The following HELZ variants were observed in gnomAD, a reference collection of about 807,000 sequenced individuals.
The protein encoded by HELZ is ATP-dependent RNA helicase with zinc finger domain.
A neutral mutation model predicts 218.2 loss-of-function variants in HELZ; 23 were observed. That is an observed-to-expected ratio of 0.11 (90% CI 0.08 to 0.15). The LOEUF is 0.15. Among genes scored for constraint, HELZ ranks in the 10% least tolerant of loss-of-function variants. The pLI, the probability that HELZ is intolerant of heterozygous loss-of-function variation, is 1.00. For missense variants in HELZ, 1,813 were observed against 2,353.7 expected, an observed-to-expected ratio of 0.77 and a Z score of 4.75; for synonymous variants, 814 against 829.4, an observed-to-expected ratio of 0.98 and a Z score of 0.32.
intron 21 of HELZ, among the ~76,000 whole-genome samples, chr17:67,139,040 T>C (rs1011783613): frequency 1.3e-5 from 2 of 152,146 alleles, no homozygotes; most frequent in East Asian, 1.9e-4. Context: ...AGGAGGTGTG[T>C]TTTCAAATGT....
intron 31 of HELZ, among the ~76,000 whole-genome samples, chr17:67,093,105 T>C (rs1284595968): frequency 2.6e-5 from 4 of 152,236 alleles, no homozygotes; most frequent in Non-Finnish European, 4.4e-5. Flanking sequence ...TTTTAGAACA[T>C]TGTTTTAGTT....
chr17:67,222,630 G>A (rs2040777429), intron 3 of HELZ, among the ~76,000 whole-genome samples: 1 of 152,136 alleles, frequency 6.6e-6, no homozygotes, highest in South Asian at 2.1e-4. Flanking sequence ...TACAACGCAT[G>A]CTCCGTTCAG....
At chr17:67,191,192 A>G (rs1360279812) in intron 9 of HELZ, among the ~76,000 whole-genome samples, 1 of 152,234 alleles carries the variant, frequency 6.6e-6, no homozygotes, top group Admixed American at 6.5e-5. Context: ...ACCTTTAAAC[A>G]TAGTGATTTT....
intron 3 of HELZ, among the ~76,000 whole-genome samples, chr17:67,238,349 CAAAAA>C (rs71368808): frequency 4.3e-5 from 2 of 46,960 alleles, no homozygotes; most frequent in African/African-American, 8.0e-5. Context: ...CTCTGTCTCT[CAAAAA>C]AAAAAAAAAA....
chr17:67,080,957 C>T lies in HELZ; in HGVS notation c.5495-2371G>A, dbSNP rs773696375. Among the ~76,000 whole-genome samples the T allele has an allele frequency of 3.3e-5, 5 of 152,184 alleles. No individual in the cohort carries two copies. In the East Asian group the frequency reaches 5.8e-4, roughly 18 times the overall value. ...CATCACACTAAGCTTAAATTGGACA[C>T]GTAGTTGCTCAGCTAGTGACTACAT... On this transcript the variant is annotated intron_variant, in intron 32 of 32. Coordinates refer to ENST00000358691, the MANE Select transcript of HELZ (RefSeq NM_014877.4).
intron 32 of HELZ, among the ~76,000 whole-genome samples, chr17:67,084,208 T>G (rs751078653): frequency 3.9e-5 from 6 of 152,204 alleles, no homozygotes; most frequent in Non-Finnish European, 8.8e-5. Flanking sequence ...AATTTAAAAA[T>G]ACTACACTCT....
chr17:67,172,265 CT>C (rs1386264517), intron 13 of HELZ, among the ~76,000 whole-genome samples: 2 of 152,188 alleles, frequency 1.3e-5, no homozygotes, highest in African/African-American at 4.8e-5. Context: ...GAAAGTGCCT[CT>C]TCCATGGGGC....
rs2036042013 is a variant in HELZ at position 67,077,290 on chromosome 17, T to C, written c.*962A>G. 6.6e-6 allele frequency: 1 copy of C among 152,624 alleles called. No homozygotes were observed. The highest frequency in any genetic ancestry group is 2.1e-4 in the South Asian group (1 of 4,834). The allele number at this position is 152,624 out of a possible 1,614,324, so 9.5% of individuals were successfully genotyped here. ...ACATCAAATAAGGTACCAAAATTTT[T>C]ACTGGAGAGAAAAAAACCCAAACCT... On this transcript the variant is annotated 3_prime_UTR_variant, in exon 33 of 33. Transcript: ENST00000358691.
intron 3 of HELZ, among the ~76,000 whole-genome samples, chr17:67,237,988 CAAAA>C (rs796850668): frequency 4.6e-5 from 4 of 87,082 alleles, no homozygotes; most frequent in African/African-American, 1.1e-4. Context: ...GACTCCATCT[CAAAA>C]AAAAAAAAAA....
chr17:67,106,178 C>G (rs117355331), intron 31 of HELZ, among the ~76,000 whole-genome samples: 14 of 151,958 alleles, frequency 9.2e-5, no homozygotes, highest in Non-Finnish European at 1.6e-4. Flanking sequence ...ATGGGATCAG[C>G]TAGACATTTT....
chr17:67,110,569 T>TG (rs1219023793), intron 28 of HELZ, among the ~76,000 whole-genome samples: 1 of 152,198 alleles, frequency 6.6e-6, no homozygotes, highest in African/African-American at 2.4e-5. Context: ...CAATACACTG[T>TG]GCCTGGTGTT....
chr17:67,084,673 A>G (rs2036306268), intron 32 of HELZ, among the ~76,000 whole-genome samples: 1 of 152,096 alleles, frequency 6.6e-6, no homozygotes, highest in South Asian at 2.1e-4. Context: ...AAAAAAAAAA[A>G]AAAAGAAAGA....
chr17:67,138,224 T>TAA, intron 21 of HELZ, 110 bp from the exon 22 acceptor site: 1 of 764,300 alleles, frequency 1.3e-6, no homozygotes, highest in Non-Finnish European at 1.8e-6. Flanking sequence ...CAGATGTCAT[T>TAA]TAAAAAAAAA....
At chr17:67,083,508 ATCCCAGCTACTC>A (rs1049917585) in intron 32 of HELZ, among the ~76,000 whole-genome samples, 18 of 152,170 alleles carry the variant, frequency 1.2e-4, no homozygotes, top group African/African-American at 4.3e-4. Flanking sequence ...GGCGCCTGTA[ATCCCAGCTACTC>A]AGGAGGCTGA....
chr17:67,082,582 C>A (rs1235604733), intron 32 of HELZ, among the ~76,000 whole-genome samples: 1 of 152,044 alleles, frequency 6.6e-6, no homozygotes, highest in Non-Finnish European at 1.5e-5. Context: ...TCATAAAATT[C>A]TTCAAAATGA....
chr17:67,242,843 A>G (rs1405491985), intron 2 of HELZ, among the ~76,000 whole-genome samples: 1 of 151,962 alleles, frequency 6.6e-6, no homozygotes, highest in African/African-American at 2.4e-5. Flanking sequence ...CAATCTAGAA[A>G]AAAAAAAAAG....
At chr17:67,100,499 T>C (rs1393224026) in intron 31 of HELZ, among the ~76,000 whole-genome samples, 3 of 152,152 alleles carry the variant, frequency 2.0e-5, no homozygotes, top group Non-Finnish European at 4.4e-5. Flanking sequence ...TTTACAAAGA[T>C]GCCTTCAAAA....
chr17:67,208,379 G>A (rs1211125772), intron 5 of HELZ, among the ~76,000 whole-genome samples: 4 of 152,170 alleles, frequency 2.6e-5, no homozygotes, highest in African/African-American at 9.7e-5. Context: ...AAATGACACA[G>A]AATACACACA....
chr17:67,235,236 G>C (rs1352152255), intron 3 of HELZ, among the ~76,000 whole-genome samples: 3 of 152,126 alleles, frequency 2.0e-5, no homozygotes, highest in Non-Finnish European at 4.4e-5. Context: ...GCCGGGCGCG[G>C]TGGCTCACAC....
Sources: gnomAD v4.1 joint callset for allele counts (sites outside exome capture counted in the v4.1 genomes callset) on GRCh38, gnomAD v4.1.1 for gene constraint, MANE v1.5 for transcripts, NCBI Gene and HGNC (gene_info 2026-07-23, HGNC 2026-07-21) for gene names.